Variants in VPS53 observed in about 807,000 individuals in gnomAD.
VPS53 encodes the protein VPS53 subunit of GARP complex, also known as vacuolar protein sorting-associated protein 53 homolog.
Under a neutral mutation model 107.0 loss-of-function variants are expected in VPS53, and 70 were observed. That is an observed-to-expected ratio of 0.65 (90% CI 0.54 to 0.80). The LOEUF (loss-of-function observed/expected upper bound fraction) is 0.80. VPS53 is among the 30% of genes least tolerant of loss of function. The probability of loss-of-function intolerance (pLI) is 0.00; values close to 1 mark genes in which losing one functional copy is unlikely to be tolerated. For synonymous variants in VPS53, 409 were observed against 393.3 expected (o/e 1.04, Z -0.47); for missense variants, 917 against 1,049.4 (o/e 0.87, Z 1.74).
At chr17:672,881 G>A (rs1175534659) in intron 4 of VPS53, among the ~76,000 whole-genome samples, 1 of 152,196 alleles carries the variant, frequency 6.6e-6, no homozygotes, top group Admixed American at 6.5e-5. Flanking sequence ...GGGAGGCTGA[G>A]GAAGGTGGAT....
intron 17 of VPS53, among the ~76,000 whole-genome samples, chr17:549,951 A>G (rs759580796): frequency 3.9e-5 from 6 of 152,182 alleles, no homozygotes; most frequent in African/African-American, 7.2e-5. Context: ...TTTTAATCTT[A>G]TTTTTGTTAA....
chr17:583,906 C>T (rs1967182727), intron 13 of VPS53, among the ~76,000 whole-genome samples: 1 of 151,274 alleles, frequency 6.6e-6, no homozygotes, highest in Non-Finnish European at 1.5e-5. Context: ...GGACCTCATG[C>T]GTTCCCAGGG....
chr17:565,134 G>A (rs1913368154), intron 13 of VPS53, among the ~76,000 whole-genome samples: 1 of 152,128 alleles, frequency 6.6e-6, no homozygotes, highest in African/African-American at 2.4e-5. Context: ...CAACGTGGGG[G>A]CTCACACCTG....
intron 7 of VPS53, chr17:632,688 C>A (rs1485478967): frequency 2.2e-6 from 1 of 456,172 alleles, no homozygotes; most frequent in Non-Finnish European, 4.4e-6. Context: ...GCCTCTGGGA[C>A]CCAGCGTTCT....
chr17:519,270 A>G lies in VPS53; in HGVS notation c.2357T>C (p.Met786Thr). Reference sequence around the variant, plus strand: ...GAGCCGCTGGCGCAGGAGTTCCAGCATGCTGCTCTGCTCACTCCTCTTCAG... The same window carrying G: ...GAGCCGCTGGCGCAGGAGTTCCAGCGTGCTGCTCTGCTCACTCCTCTTCAG... ...KGLKRSEQSSMLELLRQRLPA... is the reference protein window; with the variant it reads ...KGLKRSEQSSTLELLRQRLPA... Residue 786 changes from methionine (M) to threonine (T), a missense_variant, in exon 22 of 22, where the codon ATG becomes ACG. Coordinates refer to ENST00000437048, the MANE Select transcript of VPS53 (RefSeq NM_001128159.3). This position sits in a 1 kb window ranked among gnomAD's most constrained non-coding sequence, Gnocchi z 5.0. 1 of 1,530,034 alleles carries G rather than the reference A, an allele frequency of 6.5e-7. No individual in the cohort carries two copies. Among genetic ancestry groups the G allele is most frequent in the South Asian group, 1.2e-5 (1 of 80,678 alleles). The allele number at this position is 1,530,034 out of a possible 1,614,324, so 94.8% of individuals were successfully genotyped here. A position where few individuals can be genotyped will look rare whatever the true frequency, so the allele number is the denominator to read the frequency against.
intron 7 of VPS53, chr17:632,703 G>A (rs1450948288): frequency 8.8e-6 from 4 of 456,102 alleles, no homozygotes; most frequent in South Asian, 3.1e-5. Context: ...CGTTCTACTC[G>A]CTATCTCCAT....
chr17:535,484 G>A (rs1421418827), intron 18 of VPS53, among the ~76,000 whole-genome samples: 1 of 151,816 alleles, frequency 6.6e-6, no homozygotes, highest in Admixed American at 6.6e-5. Context: ...TAAGTCAACA[G>A]ACTCCTCCTT....
At chr17:552,490 C>T (rs1168988339) in intron 16 of VPS53, 1 of 153,028 alleles carries the variant, frequency 6.5e-6, no homozygotes, top group African/African-American at 2.4e-5. Flanking sequence ...AAAAATACCA[C>T]AAGGTCCTAA....
At chr17:541,949 G>A (rs1312863065) in intron 17 of VPS53, among the ~76,000 whole-genome samples, 1 of 142,938 alleles carries the variant, frequency 7.0e-6, no homozygotes, top group African/African-American at 2.7e-5. Context: ...CACCTACTAC[G>A]CACCAGGCGC....
intron 2 of VPS53, among the ~76,000 whole-genome samples, chr17:703,313 G>C (rs763280879): frequency 6.6e-6 from 1 of 152,204 alleles, no homozygotes; most frequent in Non-Finnish European, 1.5e-5. Context: ...TGCTCTGCAG[G>C]ACAGGTGCTT....
At chr17:710,401 T>C (rs1054588394) in intron 2 of VPS53, 132 bp downstream of exon 2, 4 of 676,848 alleles carry the variant, frequency 5.9e-6, no homozygotes, top group African/African-American at 1.8e-5. Context: ...CTGGTGATGA[T>C]GGAGTTTGAT....
At chr17:709,137 C>A (rs993653623) in intron 2 of VPS53, among the ~76,000 whole-genome samples, 1 of 152,086 alleles carries the variant, frequency 6.6e-6, no homozygotes, top group Non-Finnish European at 1.5e-5. Flanking sequence ...TTTAAAGGAC[C>A]CTCCGCAGCA....
At position 586,341 on chromosome 17, in the gene VPS53, G is replaced by C. The variant is rs1269929698; in HGVS notation, c.1242C>G (p.Asp414Glu). 2 of 1,614,116 alleles carry C rather than the reference G, an allele frequency of 1.2e-6. No individual in the cohort carries two copies. The highest frequency in any genetic ancestry group is 8.5e-7 in the Non-Finnish European group (1 of 1,179,974). Reference sequence around the variant, plus strand: ...TGGAAACAATGCCATGAAATGGATTGTCTGGGGCTTTAGGCTTCTTTGGCT... The same window carrying C: ...TGGAAACAATGCCATGAAATGGATTCTCTGGGGCTTTAGGCTTCTTTGGCT... ...LDQPKKPKAP[D>E]NPFHGIVSKC... The change falls in exon 13 of 22, where the codon GAC becomes GAG. Residue 414 changes from aspartate (D) to glutamate (E), a missense_variant. Asp to Glu is a conservative substitution (Grantham distance 45, BLOSUM62 2). Coordinates refer to ENST00000437048, the MANE Select transcript of VPS53 (RefSeq NM_001128159.3).
At chr17:579,941 T>G (rs751553214) in intron 13 of VPS53, among the ~76,000 whole-genome samples, 1 of 150,242 alleles carries the variant, frequency 6.7e-6, no homozygotes, top group South Asian at 2.1e-4. Flanking sequence ...CCTCAGAATC[T>G]AATGCATTCC....
At chr17:619,082 C>A (rs1167111971) in intron 11 of VPS53, among the ~76,000 whole-genome samples, 1 of 146,440 alleles carries the variant, frequency 6.8e-6, no homozygotes, top group Non-Finnish European at 1.5e-5. Flanking sequence ...CAGGCGTGCA[C>A]CACCACGCCC....
At chr17:571,889 G>A (rs1242187303) in intron 13 of VPS53, among the ~76,000 whole-genome samples, 3 of 152,076 alleles carry the variant, frequency 2.0e-5, no homozygotes, top group Middle Eastern at 6.8e-3. Context: ...ATCTCGGCTC[G>A]CTACAACCTC....
At chr17:693,835 C>T (rs569423136) in intron 4 of VPS53, among the ~76,000 whole-genome samples, 3 of 152,308 alleles carry the variant, frequency 2.0e-5, no homozygotes, top group South Asian at 4.1e-4. Flanking sequence ...TATGCCACTC[C>T]CTTCTGAGTG....
At chr17:523,009 T>A (rs1908865734) in intron 19 of VPS53, 1 of 151,992 alleles carries the variant, frequency 6.6e-6, no homozygotes, top group South Asian at 2.1e-4. Context: ...GTAACGGGGT[T>A]AGAGAAAAGG....
At chr17:651,874 C>T (rs1204546407) in intron 7 of VPS53, among the ~76,000 whole-genome samples, 2 of 152,172 alleles carry the variant, frequency 1.3e-5, no homozygotes, top group Non-Finnish European at 2.9e-5. Flanking sequence ...TCCTCCTTCG[C>T]TCTGAGAAAT....
Sources: allele counts gnomAD v4.1 joint callset (sites outside exome capture counted in the v4.1 genomes callset), GRCh38; gene constraint gnomAD v4.1.1; non-coding constraint Gnocchi (gnomAD v3.1); transcripts MANE v1.5; gene names NCBI Gene and HGNC (gene_info 2026-07-23, HGNC 2026-07-21).